ATG7: variants seen among roughly 807,000 people sequenced by gnomAD.
ATG7 encodes the protein autophagy related 7, also known as ubiquitin-like modifier-activating enzyme ATG7.
Under a neutral mutation model 82.4 loss-of-function variants are expected in ATG7, and 70 were observed. The observed-to-expected ratio is 0.85, with a 90% CI of 0.70 to 1.04. The LOEUF is 1.04. Among genes scored for constraint, ATG7 ranks in the 50% least tolerant of loss-of-function variants. The pLI is 0.00. For missense variants in ATG7, 792 were observed against 864.3 expected, an observed-to-expected ratio of 0.92 and a Z score of 1.05; for synonymous variants, 287 against 313.0, an observed-to-expected ratio of 0.92 and a Z score of 0.88.
chr3:11,517,932 A>T (rs78250516), intron 20 of ATG7, among the ~76,000 whole-genome samples: 3,864 of 152,346 alleles, frequency 0.025, 66 homozygotes, highest in Middle Eastern at 0.041. Flanking sequence ...AAAGATGGGC[A>T]CAGTGTGAGG....
intron 20 of ATG7, among the ~76,000 whole-genome samples, chr3:11,461,801 C>T (rs138683677): frequency 2.7e-4 from 41 of 151,888 alleles, no homozygotes; most frequent in African/African-American, 7.7e-4. Context: ...CCGAAGCGGG[C>T]GGATCACGAG....
chr3:11,393,791 G>A lies in ATG7; in HGVS notation c.1956+13739G>A, dbSNP rs1479507531. The stretch of plus-strand genomic sequence containing the variant: ...CACCTCCAAGGTTCAAGGGATTCTC[G>A]TGCCTCACCCTCGCAAGTAGCTGGG... On this transcript the variant is annotated intron_variant, in intron 19 of 20. Transcript: ENST00000693202. Among the ~76,000 whole-genome samples, 8 of 151,990 alleles carry A rather than the reference G, an allele frequency of 5.3e-5. No individual in the cohort carries two copies. The East Asian group carries it at 9.7e-4, about 18-fold the overall frequency.
In ATG7 at chr3:11,275,343, CT is replaced by C. The variant is rs542108366; in HGVS notation, c.-366+2926del. 5.8e-3 allele frequency among the ~76,000 whole-genome samples: 832 copies of C among 142,512 alleles called. 6 individuals are homozygous for C. Among genetic ancestry groups the C allele is most frequent in the African/African-American group, 0.02 (757 of 38,490 alleles). 93.5% of individuals were successfully genotyped at this position (142,512 alleles called of 152,430 possible). ...ACGTTCGCTAATGTCTTCCTCTCCT[CT>C]TTTTTTTTTTTTCTTTTTTTTTGAG... On this transcript the variant is annotated intron_variant, in intron 1 of 20. Coordinates refer to ENST00000693202, the MANE Select transcript of ATG7 (RefSeq NM_001349232.2).
At chr3:11,507,616 C>A (rs2091805997) in intron 20 of ATG7, among the ~76,000 whole-genome samples, 1 of 152,134 alleles carries the variant, frequency 6.6e-6, no homozygotes, top group Non-Finnish European at 1.5e-5. Context: ...GAAGGAAATG[C>A]TAAAGTTATG....
At chr3:11,494,336 T>C (rs915721019) in intron 20 of ATG7, among the ~76,000 whole-genome samples, 9 of 152,204 alleles carry the variant, frequency 5.9e-5, no homozygotes, top group African/African-American at 1.9e-4. Flanking sequence ...TGGTGTCTCA[T>C]TGTCCAGCTG....
downstream of ATG7, chr3:11,559,397 T>C (rs1392519468): frequency 2.6e-6 from 4 of 1,560,722 alleles, no homozygotes; most frequent in African/African-American, 1.4e-5. Context: ...GATGGGGCAG[T>C]GCGAGAGGTT....
At position 11,327,217 on chromosome 3, in the gene ATG7, A is replaced by T. The variant is rs775358138; in HGVS notation, c.679-4123A>T. Among the ~76,000 whole-genome samples, 5 of 152,262 alleles carry T rather than the reference A, an allele frequency of 3.3e-5. No individual in the cohort carries two copies. In the East Asian group the frequency reaches 9.6e-4, roughly 29 times the overall value. On this transcript the variant is annotated intron_variant, in intron 9 of 20. Coordinates refer to ENST00000693202, the MANE Select transcript of ATG7 (RefSeq NM_001349232.2). ...AGTGCTCTTGCCTTCACAGAGAGTT[A>T]TAAACCAGCAAGACATCAAATATAA...
chr3:11,432,942 A>T (rs543466685), intron 20 of ATG7, among the ~76,000 whole-genome samples: 1 of 152,236 alleles, frequency 6.6e-6, no homozygotes, highest in East Asian at 1.9e-4. Flanking sequence ...AAGCTGATGA[A>T]CCACAGGGTG....
chr3:11,541,764 C>T (rs116051364), intron 20 of ATG7, among the ~76,000 whole-genome samples: 2,182 of 152,306 alleles, frequency 0.014, 45 homozygotes, highest in African/African-American at 0.047. Flanking sequence ...AGGTAGAGAA[C>T]AAACATGTAA....
chr3:11,356,760 C>T (rs1207419156), intron 14 of ATG7, among the ~76,000 whole-genome samples: 1 of 152,020 alleles, frequency 6.6e-6, no homozygotes, highest in Non-Finnish European at 1.5e-5. Context: ...TTTATTATTG[C>T]TTATTACGGC....
intron 18 of ATG7, among the ~76,000 whole-genome samples, chr3:11,368,901 C>G (rs1470243383): frequency 6.6e-6 from 1 of 150,936 alleles, no homozygotes; most frequent in Non-Finnish European, 1.5e-5. Flanking sequence ...AAAAAAAGAC[C>G]CTGAATGTGT....
chr3:11,360,138 C>T (rs1231735850), intron 15 of ATG7, among the ~76,000 whole-genome samples: 3 of 152,226 alleles, frequency 2.0e-5, no homozygotes, highest in Non-Finnish European at 4.4e-5. Context: ...CTCCATCTCC[C>T]AGGTTCAAGC....
chr3:11,517,874 G>A (rs2092328443), intron 20 of ATG7, among the ~76,000 whole-genome samples: 2 of 152,218 alleles, frequency 1.3e-5, no homozygotes, highest in South Asian at 4.1e-4. Context: ...GCCGTGGGGA[G>A]AACCAGAGTG....
intron 20 of ATG7, among the ~76,000 whole-genome samples, chr3:11,509,360 G>T (rs373219309): frequency 1.1e-4 from 16 of 150,648 alleles, no homozygotes; most frequent in Non-Finnish European, 2.2e-4. Context: ...CCAGGGAGCT[G>T]TTTTTTTTCT....
At chr3:11,481,353 A>G (rs1184752662) in intron 20 of ATG7, among the ~76,000 whole-genome samples, 4 of 152,236 alleles carry the variant, frequency 2.6e-5, no homozygotes, top group Non-Finnish European at 4.4e-5. Context: ...AAAAAAATTT[A>G]GGGTTCTTAC....
chr3:11,333,210 G>A, intron 11 of ATG7, 117 bp downstream of exon 11: 1 of 1,326,222 alleles, frequency 7.5e-7, no homozygotes, highest in East Asian at 2.8e-5. Flanking sequence ...AGTACAACTT[G>A]TACCTCTTTG....
At chr3:11,475,082 A>C (rs1480898360) in intron 20 of ATG7, among the ~76,000 whole-genome samples, 2 of 151,470 alleles carry the variant, frequency 1.3e-5, no homozygotes, top group Non-Finnish European at 2.9e-5. Flanking sequence ...ATTGGGTTAT[A>C]GAGGAGTAGA....
chr3:11,432,920 G>C (rs985459144), intron 20 of ATG7, among the ~76,000 whole-genome samples: 1 of 152,120 alleles, frequency 6.6e-6, no homozygotes, highest in Non-Finnish European at 1.5e-5. Context: ...GGAACCCAGG[G>C]AAATGGCCTT....
At chr3:11,302,276 G>A (rs529596213) in intron 5 of ATG7, among the ~76,000 whole-genome samples, 94 of 152,244 alleles carry the variant, frequency 6.2e-4, no homozygotes, top group Admixed American at 2.0e-3. Context: ...GCTTTCTAAT[G>A]TTCTTTCCAG....
Sources: allele counts gnomAD v4.1 joint callset (sites outside exome capture counted in the v4.1 genomes callset), GRCh38; gene constraint gnomAD v4.1.1; transcripts MANE v1.5; gene names NCBI Gene and HGNC (gene_info 2026-07-23, HGNC 2026-07-21).